HIKESHI: variants seen among roughly 807,000 people sequenced by gnomAD.
HIKESHI encodes protein Hikeshi.
A neutral mutation model predicts 25.7 loss-of-function variants in HIKESHI; 13 were observed. The observed-to-expected ratio is 0.51, with a 90% confidence interval of 0.33 to 0.80. The LOEUF is 0.80. HIKESHI is among the 30% of genes least tolerant of loss of function. The probability of loss-of-function intolerance (pLI) is 0.02; values close to 1 mark genes in which losing one functional copy is unlikely to be tolerated. For missense variants in HIKESHI, 174 were observed against 229.5 expected (o/e 0.76, Z 1.56); for synonymous variants, 76 against 78.7 (o/e 0.97, Z 0.18).
intron 2 of HIKESHI, chr11:86,326,566 G>T: frequency 2.2e-6 from 1 of 456,122 alleles, no homozygotes; most frequent in Non-Finnish European, 4.4e-6. Flanking sequence ...ATGTGTGTGT[G>T]AATATTAAAT....
At chr11:86,303,808 ATTTC>A (rs1454873241) in intron 1 of HIKESHI, among the ~76,000 whole-genome samples, 1 of 152,166 alleles carries the variant, frequency 6.6e-6, no homozygotes, top group African/African-American at 2.4e-5. Flanking sequence ...CCCAGTTTTT[ATTTC>A]TTAAGATTTT....
At chr11:86,308,577 T>TTATTTATTTATTTATTTATC (rs1555183545) in intron 2 of HIKESHI, among the ~76,000 whole-genome samples, 3 of 150,900 alleles carry the variant, frequency 2.0e-5, no homozygotes, top group Non-Finnish European at 2.9e-5. Context: ...ATTTATTTAT[T>TTATTTATTTATTTATTTATC]TATCTATAAT....
At chr11:86,324,370 T>C (rs1947223512) in intron 2 of HIKESHI, 1 of 152,232 alleles carries the variant, frequency 6.6e-6, no homozygotes, top group African/African-American at 2.4e-5. Context: ...AGACTATTCA[T>C]AGTTTTATTC....
chr11:86,322,465 A>G (rs572427955), intron 2 of HIKESHI, among the ~76,000 whole-genome samples: 96 of 152,142 alleles, frequency 6.3e-4, no homozygotes, highest in African/African-American at 2.2e-3. Flanking sequence ...GTATATATGT[A>G]CATGTGTATA....
intron 2 of HIKESHI, chr11:86,323,926 T>G (rs1947209845): frequency 6.6e-6 from 1 of 152,146 alleles, no homozygotes; most frequent in African/African-American, 2.4e-5. Context: ...TATGGGAAAA[T>G]GGATTTGTTT....
intron 2 of HIKESHI, among the ~76,000 whole-genome samples, chr11:86,323,335 A>G (rs370137609): frequency 1.3e-5 from 2 of 152,214 alleles, no homozygotes; most frequent in African/African-American, 4.8e-5. Context: ...GACAAACGTG[A>G]TATCAGTTGG....
chr11:86,333,895 G>A (rs1028492086), intron 2 of HIKESHI, among the ~76,000 whole-genome samples: 2 of 152,122 alleles, frequency 1.3e-5, no homozygotes, highest in African/African-American at 4.8e-5. Flanking sequence ...ATTATGAGCC[G>A]TTAAAGGTTT....
intron 3 of HIKESHI, among the ~76,000 whole-genome samples, chr11:86,343,197 A>AT (rs1947781016): frequency 1.3e-5 from 2 of 152,004 alleles, no homozygotes; most frequent in Admixed American, 1.3e-4. Flanking sequence ...TTGTCTTAGC[A>AT]TTTTTTCTAG....
At chr11:86,304,138 T>C (rs1352454886) in intron 1 of HIKESHI, among the ~76,000 whole-genome samples, 1 of 152,218 alleles carries the variant, frequency 6.6e-6, no homozygotes, top group East Asian at 1.9e-4. Flanking sequence ...AATTTGACTT[T>C]AGGAACACTG....
chr11:86,304,856 C>T lies in HIKESHI; in HGVS notation c.31-1389C>T, dbSNP rs1005496185. On this transcript the variant is annotated intron_variant, in intron 1 of 4. Coordinates refer to ENST00000278483, the MANE Select transcript of HIKESHI (RefSeq NM_016401.4). Reference sequence around the variant, plus strand: ...TTACTACTGTTCATATGAGTATGTCCATGAATGACTGCAGAAATGCAGCAA... The same window carrying T: ...TTACTACTGTTCATATGAGTATGTCTATGAATGACTGCAGAAATGCAGCAA... Among the ~76,000 whole-genome samples, 11 of 151,806 alleles carry T rather than the reference C, an allele frequency of 7.2e-5. No homozygotes were observed. In the East Asian group the frequency reaches 1.6e-3, roughly 22 times the overall value.
At chr11:86,306,712 T>C (rs1946633152) in intron 2 of HIKESHI, among the ~76,000 whole-genome samples, 1 of 152,002 alleles carries the variant, frequency 6.6e-6, no homozygotes, top group Non-Finnish European at 1.5e-5. Flanking sequence ...TAAAAATATT[T>C]TTTTTGGCCG....
chr11:86,303,160 G>C (rs1351400716), intron 1 of HIKESHI, among the ~76,000 whole-genome samples: 1 of 152,084 alleles, frequency 6.6e-6, no homozygotes, highest in Non-Finnish European at 1.5e-5. Context: ...GAATTCTTTA[G>C]GAATAATCTG....
intron 1 of HIKESHI, among the ~76,000 whole-genome samples, chr11:86,305,643 G>A (rs1458500171): frequency 6.6e-6 from 1 of 152,026 alleles, no homozygotes; most frequent in East Asian, 1.9e-4. Context: ...CTCCCAGAGT[G>A]CCAGGATTAC....
chr11:86,304,379 A>C (rs1025953310), intron 1 of HIKESHI, among the ~76,000 whole-genome samples: 7 of 152,168 alleles, frequency 4.6e-5, no homozygotes, highest in Admixed American at 1.3e-4. Flanking sequence ...TTTAAACAGC[A>C]CGATCACCAA....
At chr11:86,342,651 G>C (rs1162705386) in intron 3 of HIKESHI, among the ~76,000 whole-genome samples, 3 of 151,588 alleles carry the variant, frequency 2.0e-5, no homozygotes, top group Admixed American at 6.6e-5. Flanking sequence ...GTGCAGTATG[G>C]TAAGGGAATT....
intron 1 of HIKESHI, among the ~76,000 whole-genome samples, chr11:86,305,300 CCTTTAT>C (rs1399860974): frequency 1.3e-5 from 2 of 150,552 alleles, no homozygotes; most frequent in Non-Finnish European, 3.0e-5. Flanking sequence ...GTGCCTGGCC[CCTTTAT>C]CTTTAAGCTG....
chr11:86,316,966 G>A (rs1440258906), intron 2 of HIKESHI, among the ~76,000 whole-genome samples: 1 of 151,398 alleles, frequency 6.6e-6, no homozygotes, highest in African/African-American at 2.4e-5. Flanking sequence ...GCTAATTTTT[G>A]TATTTTTAGT....
intron 3 of HIKESHI, among the ~76,000 whole-genome samples, chr11:86,339,117 C>G (rs1947648834): frequency 6.6e-6 from 1 of 152,152 alleles, no homozygotes; most frequent in Admixed American, 6.5e-5. Context: ...GCGATCTCGG[C>G]TCACTGCAAG....
At chr11:86,310,374 T>C (rs1002952750) in intron 2 of HIKESHI, among the ~76,000 whole-genome samples, 10 of 152,294 alleles carry the variant, frequency 6.6e-5, no homozygotes, top group African/African-American at 1.9e-4. Context: ...GTTTGTCTGT[T>C]ATTGGTGTGT....
Sources: allele counts gnomAD v4.1 joint callset (sites outside exome capture counted in the v4.1 genomes callset), GRCh38; gene constraint gnomAD v4.1.1; transcripts MANE v1.5; gene names NCBI Gene and HGNC (gene_info 2026-07-23, HGNC 2026-07-21).